TSNARE1: variants seen among roughly 807,000 people sequenced by gnomAD.
The protein encoded by TSNARE1 is t-SNARE domain-containing protein 1.
In TSNARE1, 49 loss-of-function variants were observed where a neutral mutation model predicts 62.0. The ratio of observed to expected loss-of-function variants is 0.79; its 90% confidence interval spans 0.63 to 1.00. The LOEUF is 1.00. Among genes scored for constraint, TSNARE1 ranks in the 50% least tolerant of loss-of-function variants. The probability of loss-of-function intolerance (pLI) is 0.00; values close to 1 mark genes in which losing one functional copy is unlikely to be tolerated. For synonymous variants in TSNARE1, 328 were observed against 294.4 expected (o/e 1.11, Z -1.17); for missense variants, 755 against 700.1 (o/e 1.08, Z -0.88).
chr8:142,252,090 G>A (rs551889521), intron 12 of TSNARE1, among the ~76,000 whole-genome samples: 13 of 149,668 alleles, frequency 8.7e-5, no homozygotes, highest in Non-Finnish European at 1.3e-4. Flanking sequence ...CACCGCTCGC[G>A]TTCTCTATCT....
intron 6 of TSNARE1, among the ~76,000 whole-genome samples, chr8:142,318,865 AAG>A (rs1415462935): frequency 6.6e-6 from 1 of 151,746 alleles, no homozygotes; most frequent in African/African-American, 2.4e-5. Context: ...GACTCAGAGA[AAG>A]AGAGAAGGGA....
At chr8:142,352,515 G>A (rs1453993083) in intron 2 of TSNARE1, among the ~76,000 whole-genome samples, 3 of 152,274 alleles carry the variant, frequency 2.0e-5, no homozygotes, top group Admixed American at 6.5e-5. Context: ...TGTGAGGGAC[G>A]ACACAGGAGC....
At chr8:142,356,231 G>C (rs563013944) in intron 1 of TSNARE1, among the ~76,000 whole-genome samples, 1 of 152,178 alleles carries the variant, frequency 6.6e-6, no homozygotes, top group Non-Finnish European at 1.5e-5. Context: ...TGCCCAGGGC[G>C]CACGAAAACA....
intron 10 of TSNARE1, among the ~76,000 whole-genome samples, chr8:142,290,948 G>A (rs901479359): frequency 6.6e-6 from 1 of 152,192 alleles, no homozygotes; most frequent in African/African-American, 2.4e-5. Flanking sequence ...GACACAGAGG[G>A]GCAGGTAGGC....
At chr8:142,326,926 C>T (rs117841040) in intron 6 of TSNARE1, among the ~76,000 whole-genome samples, 389 of 152,320 alleles carry the variant, frequency 2.6e-3, no homozygotes, top group Non-Finnish European at 4.1e-3. Context: ...GACCCCACTT[C>T]GCACCCACTA....
intron 12 of TSNARE1, among the ~76,000 whole-genome samples, chr8:142,257,059 T>C (rs757682293): frequency 2.0e-5 from 3 of 152,138 alleles, no homozygotes; most frequent in African/African-American, 7.2e-5. Flanking sequence ...GAAAGGGACC[T>C]TCCCACGCAC....
chr8:142,313,485 G>C (rs1394336104), intron 9 of TSNARE1, among the ~76,000 whole-genome samples: 3 of 151,802 alleles, frequency 2.0e-5, no homozygotes, highest in Non-Finnish European at 2.9e-5. Flanking sequence ...GTTTATCTGT[G>C]TCTCTGTGTG....
At chr8:142,223,172 A>ATTC (rs879688669) in intron 13 of TSNARE1, among the ~76,000 whole-genome samples, 4 of 34,432 alleles carry the variant, frequency 1.2e-4, no homozygotes, top group South Asian at 1.0e-3. Flanking sequence ...TCACTCACTC[A>ATTC]AGTATTCACT....
chr8:142,282,483 AGAGCAAAGGCGGGGTCAGTGTCTGCCAAC>A (rs1399515766), intron 11 of TSNARE1, among the ~76,000 whole-genome samples: 1 of 150,466 alleles, frequency 6.6e-6, no homozygotes, highest in Non-Finnish European at 1.5e-5. Flanking sequence ...TGTCTGTCAA[AGAGCAAAGGCGGGGTCAGTGTCTGCCAAC>A]GAGCAGAGGC....
At chr8:142,323,322 G>A (rs527679823) in intron 6 of TSNARE1, among the ~76,000 whole-genome samples, 2 of 152,234 alleles carry the variant, frequency 1.3e-5, no homozygotes, top group South Asian at 2.1e-4. Context: ...GCAGCACGGG[G>A]GGCAGCACCA....
intron 4 of TSNARE1, 51 bp from the exon 5 acceptor site, chr8:142,331,882 C>T (rs1279915671): frequency 6.5e-7 from 1 of 1,531,176 alleles, no homozygotes; most frequent in East Asian, 2.4e-5. Context: ...GTGAAGCCTG[C>T]AGGCCCAGCT....
At chr8:142,278,547 G>GT in intron 11 of TSNARE1, 4 of 985,466 alleles carry the variant, frequency 4.1e-6, no homozygotes, top group Non-Finnish European at 4.8e-6. Context: ...TCCTGGCACG[G>GT]TGTCTTGAGG....
At chr8:142,241,013 G>A (rs1436146292) in intron 12 of TSNARE1, among the ~76,000 whole-genome samples, 1 of 152,178 alleles carries the variant, frequency 6.6e-6, no homozygotes, top group Non-Finnish European at 1.5e-5. Context: ...GAAAGTCCTC[G>A]CCAGTGTAAT....
At chr8:142,296,428 TGGG>T (rs1563852168) in intron 10 of TSNARE1, among the ~76,000 whole-genome samples, 1 of 12,126 alleles carries the variant, frequency 8.2e-5, no homozygotes, top group African/African-American at 3.5e-4. Flanking sequence ...GTCACTGTCA[TGGG>T]GGAGGGGCGG....
chr8:142,377,582 G>A (rs916782662), intron 1 of TSNARE1, among the ~76,000 whole-genome samples: 3 of 152,146 alleles, frequency 2.0e-5, no homozygotes, highest in Admixed American at 6.5e-5. Flanking sequence ...CCCAAGAATC[G>A]CAGGAAGGCT....
At chr8:142,343,497 C>T (rs772991693) in intron 4 of TSNARE1, among the ~76,000 whole-genome samples, 6 of 151,632 alleles carry the variant, frequency 4.0e-5, no homozygotes, top group Non-Finnish European at 8.8e-5. Context: ...CGGCCGTGGT[C>T]CCAGTGTGTG....
chr8:142,266,231 A>G lies in TSNARE1; in HGVS notation c.1446+8550T>C, dbSNP rs1046004383. On this transcript the variant is annotated intron_variant, in intron 12 of 13. Coordinates refer to ENST00000524325, the MANE Select transcript of TSNARE1 (RefSeq NM_145003.5). ...TAGTTCCATCCTTTGTAAAAAATCT[A>G]TTCCACAAATTAGACATTCTAGTAA... Among the ~76,000 whole-genome samples the G allele has an allele frequency of 5.3e-5, 8 of 152,368 alleles. No individual in the cohort carries two copies. The East Asian group carries it at 5.8e-4, about 11-fold the overall frequency.
chr8:142,328,192 C>T (rs373138286), intron 6 of TSNARE1, among the ~76,000 whole-genome samples: 85 of 152,228 alleles, frequency 5.6e-4, no homozygotes, highest in African/African-American at 1.9e-3. Flanking sequence ...TCCTTCAAGC[C>T]TCCTTGCTTT....
chr8:142,293,943 ATTCT>A (rs1333666578), intron 10 of TSNARE1, among the ~76,000 whole-genome samples: 4 of 152,152 alleles, frequency 2.6e-5, no homozygotes, highest in African/African-American at 4.8e-5. Flanking sequence ...CAGCCACCCT[ATTCT>A]TTATCTTGGT....
Sources: allele counts gnomAD v4.1 joint callset (sites outside exome capture counted in the v4.1 genomes callset), GRCh38; gene constraint gnomAD v4.1.1; transcripts MANE v1.5; gene names NCBI Gene and HGNC (gene_info 2026-07-23, HGNC 2026-07-21).